Variants in HPSE2 observed in about 807,000 individuals in gnomAD.
HPSE2 encodes the protein inactive heparanase-2.
HPSE2 carries 38 observed loss-of-function variants against 60.5 expected under a neutral mutation model. That is an observed-to-expected ratio of 0.63 (90% CI 0.48 to 0.82). The LOEUF (loss-of-function observed/expected upper bound fraction) is 0.82. Ranked by LOEUF, HPSE2 falls within the 40% of genes least tolerant of loss-of-function variation. The pLI, the probability that HPSE2 is intolerant of heterozygous loss-of-function variation, is 0.00. For missense variants in HPSE2, 713 were observed against 740.4 expected (o/e 0.96, Z 0.43); for synonymous variants, 295 against 293.2 (o/e 1.01, Z -0.06).
At chr10:99,079,098 G>A (rs900354973) in intron 3 of HPSE2, among the ~76,000 whole-genome samples, 2 of 152,090 alleles carry the variant, frequency 1.3e-5, no homozygotes, top group African/African-American at 4.8e-5. Context: ...CATGGAAAGC[G>A]GCTATGAGAG....
chr10:98,970,785 C>G (rs7919920), intron 3 of HPSE2, among the ~76,000 whole-genome samples: 23,326 of 152,006 alleles, frequency 0.15, 2,701 homozygotes, highest in African/African-American at 0.32. Context: ...AAACAACATG[C>G]CACATTTGTA....
In HPSE2 at chr10:98,877,208, C is replaced by T. The variant is rs918049039; in HGVS notation, c.611-133152G>A. On this transcript the variant is annotated intron_variant, in intron 3 of 11. Coordinates refer to ENST00000370552, the MANE Select transcript of HPSE2 (RefSeq NM_021828.5). Reference sequence around the variant, plus strand: ...CTCCTGAGTGATGGAAAGCTTGAAACTTAAGTTAATGTCCTTTTACAGTAG... The same window carrying T: ...CTCCTGAGTGATGGAAAGCTTGAAATTTAAGTTAATGTCCTTTTACAGTAG... 2.6e-5 allele frequency among the ~76,000 whole-genome samples: 4 copies of T among 151,858 alleles called. No individual in the cohort carries two copies. In the Admixed American group the frequency reaches 2.6e-4, roughly 10 times the overall value.
chr10:98,511,214 G>A (rs1041528530), intron 9 of HPSE2, among the ~76,000 whole-genome samples: 2 of 151,052 alleles, frequency 1.3e-5, no homozygotes, highest in Non-Finnish European at 2.9e-5. Context: ...GCAGTGGCAC[G>A]ATCTTGGCTC....
intron 3 of HPSE2, among the ~76,000 whole-genome samples, chr10:98,944,173 T>C (rs1955109836): frequency 6.6e-6 from 1 of 152,004 alleles, no homozygotes; most frequent in Non-Finnish European, 1.5e-5. Context: ...TGACAGGTAA[T>C]GAGCTCAAGA....
intron 2 of HPSE2, among the ~76,000 whole-genome samples, chr10:99,164,267 ATATATAT>A (rs1846973345): frequency 8.5e-6 from 1 of 118,250 alleles, no homozygotes; most frequent in African/African-American, 3.3e-5. Flanking sequence ...ATATATATAT[ATATATAT>A]ATATATATGA....
intron 3 of HPSE2, among the ~76,000 whole-genome samples, chr10:99,008,818 T>C (rs1956946106): frequency 1.3e-5 from 2 of 152,248 alleles, no homozygotes; most frequent in Admixed American, 6.5e-5. Flanking sequence ...GGGACTAAAA[T>C]GGAAATAAAA....
chr10:99,049,558 T>G (rs1957942039), intron 3 of HPSE2, among the ~76,000 whole-genome samples: 1 of 151,912 alleles, frequency 6.6e-6, no homozygotes, highest in African/African-American at 2.4e-5. Flanking sequence ...ACAATATAAT[T>G]AAAGGCTAGC....
intron 3 of HPSE2, among the ~76,000 whole-genome samples, chr10:98,963,212 A>G (rs565960103): frequency 6.6e-6 from 1 of 152,324 alleles, no homozygotes; most frequent in South Asian, 2.1e-4. Context: ...ATGCAGAAAA[A>G]AAAGACATAT....
At chr10:98,665,793 C>T (rs1174887557) in intron 6 of HPSE2, among the ~76,000 whole-genome samples, 3 of 152,154 alleles carry the variant, frequency 2.0e-5, no homozygotes, top group Non-Finnish European at 4.4e-5. Context: ...GAGTGCTAAA[C>T]ATGGGAACAA....
chr10:99,269,233 T>A, the HPSE2 span, among the ~76,000 whole-genome samples: 40 of 151,372 alleles, frequency 2.6e-4, no homozygotes, highest in East Asian at 7.4e-3. Context: ...TAGACCCATA[T>A]AAAATTAAGG....
the HPSE2 span, among the ~76,000 whole-genome samples, chr10:99,293,870 T>C: frequency 1.3e-5 from 2 of 152,160 alleles, no homozygotes; most frequent in Non-Finnish European, 2.9e-5. Context: ...AATGTCTTAT[T>C]CTCTCAGTCC....
chr10:99,045,210 A>G (rs1237214542), intron 3 of HPSE2, among the ~76,000 whole-genome samples: 1 of 152,152 alleles, frequency 6.6e-6, no homozygotes, highest in African/African-American at 2.4e-5. Context: ...AGATATCTCA[A>G]AACTACACAA....
chr10:99,247,147 C>T, the HPSE2 span, among the ~76,000 whole-genome samples: 44 of 152,282 alleles, frequency 2.9e-4, no homozygotes, highest in African/African-American at 9.9e-4. Context: ...CTTCCATCGC[C>T]ACTGTAAATG....
intron 3 of HPSE2, among the ~76,000 whole-genome samples, chr10:98,848,497 T>A (rs1952086934): frequency 6.6e-6 from 1 of 152,032 alleles, no homozygotes; most frequent in Non-Finnish European, 1.5e-5. Context: ...AGGAAACTCA[T>A]AAACACCATC....
At chr10:98,948,234 A>T (rs951121214) in intron 3 of HPSE2, among the ~76,000 whole-genome samples, 1 of 152,188 alleles carries the variant, frequency 6.6e-6, no homozygotes, top group Non-Finnish European at 1.5e-5. Context: ...GATTTTGTGC[A>T]TGACTTCACA....
intron 7 of HPSE2, among the ~76,000 whole-genome samples, chr10:98,626,970 T>G (rs1221476232): frequency 2.6e-5 from 4 of 152,142 alleles, no homozygotes; most frequent in African/African-American, 9.7e-5. Context: ...AGATGGGGTT[T>G]CACCGTGTTA....
At chr10:99,269,344 T>C in the HPSE2 span, among the ~76,000 whole-genome samples, 2 of 151,944 alleles carry the variant, frequency 1.3e-5, no homozygotes, top group African/African-American at 4.8e-5. Context: ...CAACAGCAGT[T>C]AAAAAAGACA....
At chr10:98,643,043 G>A (rs1420889593) in intron 6 of HPSE2, among the ~76,000 whole-genome samples, 1 of 152,162 alleles carries the variant, frequency 6.6e-6, no homozygotes, top group Non-Finnish European at 1.5e-5. Flanking sequence ...TGAGGTAAGG[G>A]TGGTAGATGA....
At chr10:98,751,979 C>T (rs957730517) in intron 3 of HPSE2, among the ~76,000 whole-genome samples, 1 of 152,170 alleles carries the variant, frequency 6.6e-6, no homozygotes, top group Non-Finnish European at 1.5e-5. Flanking sequence ...TATTGCTTAA[C>T]TCTTCTTCAT....
Sources: allele counts gnomAD v4.1 joint callset (sites outside exome capture counted in the v4.1 genomes callset), GRCh38; gene constraint gnomAD v4.1.1; transcripts MANE v1.5; gene names NCBI Gene and HGNC (gene_info 2026-07-23, HGNC 2026-07-21).